ANXA4: variants seen among roughly 807,000 people sequenced by gnomAD.
ANXA4 encodes the protein 35-beta calcimedin.
Under a neutral mutation model 49.8 loss-of-function variants are expected in ANXA4, and 39 were observed. That is an observed-to-expected ratio of 0.78 (90% CI 0.61 to 1.02). The LOEUF (loss-of-function observed/expected upper bound fraction) is 1.02. Ranked by LOEUF, ANXA4 falls within the 50% of genes least tolerant of loss-of-function variation. ANXA4 has a pLI of 0.00. For synonymous variants in ANXA4, 134 were observed against 152.5 expected, an observed-to-expected ratio of 0.88 and a Z score of 0.89; for missense variants, 360 against 410.1, an observed-to-expected ratio of 0.88 and a Z score of 1.05.
intron 1 of ANXA4, among the ~76,000 whole-genome samples, chr2:69,759,442 T>C (rs1442764764): frequency 6.6e-6 from 1 of 152,130 alleles, no homozygotes; most frequent in Non-Finnish European, 1.5e-5. Context: ...AATGAAAGGG[T>C]GAAATAGATG....
chr2:69,749,944 G>A (rs559608812), intron 1 of ANXA4, among the ~76,000 whole-genome samples: 1 of 151,418 alleles, frequency 6.6e-6, no homozygotes, highest in Non-Finnish European at 1.5e-5. Flanking sequence ...AGAAAAAGAT[G>A]GAGGCTGTCT....
At chr2:69,690,314 C>A (rs771264000) in intron 2 of ANXA4, among the ~76,000 whole-genome samples, 1 of 152,190 alleles carries the variant, frequency 6.6e-6, no homozygotes, top group South Asian at 2.1e-4. Flanking sequence ...TCTCGACTCA[C>A]TGCAGCCTCC....
At chr2:69,794,602 G>A (rs1214517513) in intron 3 of ANXA4, among the ~76,000 whole-genome samples, 2 of 150,236 alleles carry the variant, frequency 1.3e-5, no homozygotes, top group Admixed American at 6.7e-5. Flanking sequence ...TCACTCTGTC[G>A]CCCAGGCTGG....
chr2:69,670,418 G>A (rs1157149209), intron 2 of ANXA4, among the ~76,000 whole-genome samples: 7 of 131,200 alleles, frequency 5.3e-5, no homozygotes, highest in Admixed American at 9.0e-5. Flanking sequence ...CCAGCCTGGC[G>A]ACAGAGCGAG....
intron 2 of ANXA4, among the ~76,000 whole-genome samples, chr2:69,696,422 T>C (rs1418038586): frequency 2.0e-5 from 3 of 152,200 alleles, no homozygotes; most frequent in Non-Finnish European, 4.4e-5. Context: ...TTTCACCACA[T>C]CTGCAGTGAC....
In ANXA4 at chr2:69,808,406, G is replaced by A. The variant is rs79708621; in HGVS notation, c.397+410G>A. 1,542 of 173,408 alleles carry A rather than the reference G, an allele frequency of 8.9e-3. 11 individuals carry two copies. The highest frequency in any genetic ancestry group is 0.015 in the Non-Finnish European group (1,177 of 80,868). The allele number at this position is 173,408 out of a possible 1,614,324, so 10.7% of individuals were successfully genotyped here. On this transcript the variant is annotated intron_variant, in intron 6 of 12. Transcript: ENST00000394295. Reference sequence around the variant, plus strand: ...GTACGTCCTCCAGCCAAATCAGAATGACAGCCATTCACTCCCCCTTAGAGA... The same window carrying A: ...GTACGTCCTCCAGCCAAATCAGAATAACAGCCATTCACTCCCCCTTAGAGA...
chr2:69,689,212 C>T (rs927643821), intron 2 of ANXA4, among the ~76,000 whole-genome samples: 5 of 152,106 alleles, frequency 3.3e-5, no homozygotes, highest in African/African-American at 1.2e-4. Context: ...CCTCAGCCTC[C>T]TGAGTAGCTG....
At chr2:69,741,714 A>C (rs1206294949), upstream of ANXA4, among the ~76,000 whole-genome samples, 2 of 152,128 alleles carry the variant, frequency 1.3e-5, no homozygotes, top group Non-Finnish European at 2.9e-5. Flanking sequence ...CTTGGCGCGG[A>C]GCTGGGCGCG....
At chr2:69,792,161 C>T (rs545631617) in intron 3 of ANXA4, among the ~76,000 whole-genome samples, 1 of 152,208 alleles carries the variant, frequency 6.6e-6, no homozygotes, top group African/African-American at 2.4e-5. Context: ...TTTGGGAAGC[C>T]TGTTAAGTAT....
At chr2:69,687,664 G>C (rs373785800) in intron 2 of ANXA4, among the ~76,000 whole-genome samples, 136 of 152,104 alleles carry the variant, frequency 8.9e-4, no homozygotes, top group African/African-American at 3.3e-3. Flanking sequence ...TCAAAAGAGG[G>C]GATGGGGCTG....
chr2:69,665,090 A>T (rs2105330923), intron 2 of ANXA4, among the ~76,000 whole-genome samples: 1 of 152,254 alleles, frequency 6.6e-6, no homozygotes, highest in East Asian at 1.9e-4. Context: ...GTGACAGAGC[A>T]AAACTCTGTT....
intron 2 of ANXA4, among the ~76,000 whole-genome samples, chr2:69,714,098 A>C (rs1678785281): frequency 6.6e-6 from 1 of 152,168 alleles, no homozygotes; most frequent in Admixed American, 6.5e-5. Flanking sequence ...CAGGCTTTTG[A>C]AGACATCTGA....
rs1316842544 is a variant in ANXA4 at position 69,770,806 on chromosome 2, AG to A, written c.-46-10713del. Among the ~76,000 whole-genome samples, 15 of 152,198 alleles carry A rather than the reference AG, an allele frequency of 9.9e-5. No homozygotes were observed. In the East Asian group the frequency reaches 2.9e-3, roughly 29 times the overall value. On this transcript the variant is annotated intron_variant, in intron 1 of 12. Coordinates refer to ENST00000394295, the MANE Select transcript of ANXA4 (RefSeq NM_001153.5). ...CTAATTTATTTATATTAAGAAATAC[AG>A]TGCCAGGCATGGTGGTTCACACCTG...
At chr2:69,773,851 T>G (rs966043392) in intron 1 of ANXA4, among the ~76,000 whole-genome samples, 7 of 151,756 alleles carry the variant, frequency 4.6e-5, no homozygotes, top group African/African-American at 1.5e-4. Context: ...AGGCTGGTCT[T>G]GAACTCCTGA....
intron 3 of ANXA4, among the ~76,000 whole-genome samples, chr2:69,723,957 T>A (rs142659025): frequency 1.3e-5 from 2 of 152,208 alleles, no homozygotes; most frequent in South Asian, 4.1e-4. Context: ...TAAAAACTTC[T>A]GAACTGTTGA....
intron 1 of ANXA4, among the ~76,000 whole-genome samples, chr2:69,772,297 C>A (rs1230380861): frequency 1.3e-5 from 2 of 152,192 alleles, no homozygotes; most frequent in African/African-American, 4.8e-5. Context: ...CAATGTGCAG[C>A]TTATGGATTG....
At chr2:69,648,261 T>C (rs951027114) in intron 1 of ANXA4, among the ~76,000 whole-genome samples, 1 of 152,154 alleles carries the variant, frequency 6.6e-6, no homozygotes, top group Non-Finnish European at 1.5e-5. Context: ...CTACAAAACA[T>C]CTTAAAAAGG....
chr2:69,655,105 A>G (rs761406987), intron 2 of ANXA4, among the ~76,000 whole-genome samples: 12 of 152,256 alleles, frequency 7.9e-5, no homozygotes, highest in Non-Finnish European at 1.6e-4. Context: ...ACCATTCAGG[A>G]CAGAGGCCTG....
At chr2:69,699,014 C>T (rs1170582505) in intron 2 of ANXA4, among the ~76,000 whole-genome samples, 1 of 152,124 alleles carries the variant, frequency 6.6e-6, no homozygotes, top group Non-Finnish European at 1.5e-5. Context: ...ATACTAATAT[C>T]TTAAAAAGCT....
Sources: allele counts gnomAD v4.1 joint callset (sites outside exome capture counted in the v4.1 genomes callset), GRCh38; gene constraint gnomAD v4.1.1; transcripts MANE v1.5; gene names NCBI Gene and HGNC (gene_info 2026-07-23, HGNC 2026-07-21).